HMBOX1: variants seen among roughly 807,000 people sequenced by gnomAD.
HMBOX1 encodes the protein homeobox-containing protein 1.
In HMBOX1, 14 loss-of-function variants were observed where a neutral mutation model predicts 54.5. The observed-to-expected ratio is 0.26, with a 90% CI of 0.17 to 0.40. The LOEUF (loss-of-function observed/expected upper bound fraction) is 0.40, where lower values mean the gene tolerates loss of function less well. HMBOX1 is among the 10% of genes least tolerant of loss of function. HMBOX1 has a pLI of 1.00. For missense variants in HMBOX1, 332 were observed against 514.4 expected, an observed-to-expected ratio of 0.65 and a Z score of 3.43; for synonymous variants, 160 against 181.0, an observed-to-expected ratio of 0.88 and a Z score of 0.93.
intron 1 of HMBOX1, among the ~76,000 whole-genome samples, chr8:28,944,426 G>T (rs566130829): frequency 2.0e-5 from 3 of 152,274 alleles, no homozygotes; most frequent in Non-Finnish European, 4.4e-5. Context: ...ATTGATACTG[G>T]TTAAGTATTA....
chr8:28,945,691 T>C (rs1014368388), intron 1 of HMBOX1, among the ~76,000 whole-genome samples: 8 of 152,194 alleles, frequency 5.3e-5, no homozygotes, highest in African/African-American at 1.4e-4. Context: ...TGATGACCTA[T>C]CGATTATATT....
chr8:28,951,845 A>G (rs1024198153), intron 1 of HMBOX1, among the ~76,000 whole-genome samples: 1 of 152,218 alleles, frequency 6.6e-6, no homozygotes, highest in Non-Finnish European at 1.5e-5. Context: ...AAACTCTGAC[A>G]TGCACATCTG....
intron 1 of HMBOX1, among the ~76,000 whole-genome samples, chr8:28,896,697 A>G (rs1812179249): frequency 8.1e-6 from 1 of 123,924 alleles, no homozygotes; most frequent in Admixed American, 7.7e-5. Context: ...TACAATGTTT[A>G]ATACAGTAAC....
intron 6 of HMBOX1, among the ~76,000 whole-genome samples, chr8:29,032,551 T>G (rs1803166940): frequency 6.6e-6 from 1 of 152,208 alleles, no homozygotes; most frequent in Admixed American, 6.5e-5. Context: ...TTAACTGACT[T>G]CTATTATAAA....
At chr8:29,016,261 T>C (rs536701114) in intron 5 of HMBOX1, among the ~76,000 whole-genome samples, 2 of 152,174 alleles carry the variant, frequency 1.3e-5, no homozygotes, top group East Asian at 3.9e-4. Flanking sequence ...TCTGCACCCA[T>C]AAGAAGAATA....
At chr8:29,028,201 G>A (rs1453938737) in intron 6 of HMBOX1, among the ~76,000 whole-genome samples, 1 of 152,114 alleles carries the variant, frequency 6.6e-6, no homozygotes, top group East Asian at 1.9e-4. Context: ...TAGAATAAAA[G>A]TGTGTCTTCA....
At chr8:28,897,574 G>A (rs553802761) in intron 1 of HMBOX1, among the ~76,000 whole-genome samples, 1 of 152,290 alleles carries the variant, frequency 6.6e-6, no homozygotes, top group South Asian at 2.1e-4. Context: ...TACTCAGGAG[G>A]CTGAGGCAGG....
Position 28,904,382 on chromosome 8 carries a change from G to A in HMBOX1, c.-58+13704G>A, listed in dbSNP as rs1053644460. 7.9e-5 allele frequency among the ~76,000 whole-genome samples: 12 copies of A among 151,632 alleles called. No individual in the cohort carries two copies. In the East Asian group the frequency reaches 1.9e-3, roughly 25 times the overall value. On this transcript the variant is annotated intron_variant, in intron 1 of 9. Coordinates refer to ENST00000287701, the MANE Select transcript of HMBOX1 (RefSeq NM_001135726.3). ...CCTGCCTCAGCCTCCACAGGTGTGC[G>A]CCACCATGCCCAGCCGATTTTTGTA...
chr8:29,002,278 CA>C (rs1832775188), intron 4 of HMBOX1, among the ~76,000 whole-genome samples: 2 of 152,252 alleles, frequency 1.3e-5, no homozygotes, highest in Non-Finnish European at 2.9e-5. Context: ...GCTTCTCCCA[CA>C]ACTAGGTATC....
chr8:28,947,578 G>A (rs1822696485), intron 1 of HMBOX1, among the ~76,000 whole-genome samples: 2 of 152,148 alleles, frequency 1.3e-5, no homozygotes, highest in Admixed American at 1.3e-4. Flanking sequence ...TGCTGGGACT[G>A]TCTAAAAATA....
At chr8:28,922,400 C>A (rs562818238) in intron 1 of HMBOX1, among the ~76,000 whole-genome samples, 3 of 152,232 alleles carry the variant, frequency 2.0e-5, no homozygotes, top group African/African-American at 7.2e-5. Context: ...CCCAAAGATA[C>A]CAAGGGACAA....
chr8:29,009,391 C>T (rs1833911741), intron 5 of HMBOX1: 1 of 886,394 alleles, frequency 1.1e-6, no homozygotes, highest in African/African-American at 1.8e-5. Context: ...GTCATATTCA[C>T]TCCTTCCCCT....
At chr8:29,044,285 G>A (rs1805263466) in intron 6 of HMBOX1, among the ~76,000 whole-genome samples, 1 of 152,160 alleles carries the variant, frequency 6.6e-6, no homozygotes, top group African/African-American at 2.4e-5. Context: ...TGAATAAATG[G>A]TAGGTGCTAG....
At chr8:29,035,956 C>T (rs566934965) in intron 6 of HMBOX1, among the ~76,000 whole-genome samples, 6 of 152,094 alleles carry the variant, frequency 3.9e-5, no homozygotes, top group Admixed American at 6.5e-5. Context: ...AAAAGGAAAA[C>T]CAATTGTTAC....
intron 1 of HMBOX1, among the ~76,000 whole-genome samples, chr8:28,926,300 T>TACAC (rs1415903810): frequency 6.1e-4 from 85 of 139,368 alleles, no homozygotes; most frequent in African/African-American, 2.4e-3. Context: ...TATATATATA[T>TACAC]ATATACACAC....
At chr8:28,904,615 G>T (rs1465395851) in intron 1 of HMBOX1, among the ~76,000 whole-genome samples, 3 of 151,766 alleles carry the variant, frequency 2.0e-5, no homozygotes, top group Admixed American at 2.0e-4. Flanking sequence ...GTCTTAAATT[G>T]TGCCAAACAT....
intron 1 of HMBOX1, among the ~76,000 whole-genome samples, chr8:28,908,239 T>G (rs1030845404): frequency 5.3e-5 from 8 of 152,220 alleles, no homozygotes; most frequent in Non-Finnish European, 2.9e-5. Flanking sequence ...TATTTTTAAA[T>G]GAAAATATAA....
At chr8:28,944,242 T>G (rs1018198922) in intron 1 of HMBOX1, among the ~76,000 whole-genome samples, 7 of 152,242 alleles carry the variant, frequency 4.6e-5, no homozygotes, top group Non-Finnish European at 1.0e-4. Context: ...TTTGTGTTCA[T>G]TTAATCACCA....
At chr8:28,999,575 CT>C (rs531582876) in intron 4 of HMBOX1, among the ~76,000 whole-genome samples, 87 of 152,148 alleles carry the variant, frequency 5.7e-4, no homozygotes, top group African/African-American at 1.9e-3. Context: ...TTTCTTCATT[CT>C]TTTTTTCTTT....
Sources: allele counts gnomAD v4.1 joint callset (sites outside exome capture counted in the v4.1 genomes callset), GRCh38; gene constraint gnomAD v4.1.1; transcripts MANE v1.5; gene names NCBI Gene and HGNC (gene_info 2026-07-23, HGNC 2026-07-21).